SPMIP2: variants seen among roughly 807,000 people sequenced by gnomAD.
The protein encoded by SPMIP2 is protein SPMIP2.
the SPMIP2 span, among the ~76,000 whole-genome samples, chr4:159,019,547 C>G: frequency 6.6e-6 from 1 of 152,100 alleles, no homozygotes; most frequent in South Asian, 2.1e-4. Context: ...TATCTGAATT[C>G]TCTTTGCACG....
the SPMIP2 span, chr4:159,007,647 G>T: frequency 2.4e-6 from 2 of 817,748 alleles, no homozygotes; most frequent in Non-Finnish European, 4.0e-6. Context: ...TGTGGCCAAG[G>T]CCTCCAAGGA....
chr4:159,009,659 C>G, the SPMIP2 span, among the ~76,000 whole-genome samples: 1 of 152,192 alleles, frequency 6.6e-6, no homozygotes, highest in East Asian at 1.9e-4. Context: ...TATTGAGAGG[C>G]TCTCATAAGG....
the SPMIP2 span, among the ~76,000 whole-genome samples, chr4:158,914,979 G>T: frequency 6.6e-6 from 1 of 152,118 alleles, no homozygotes; most frequent in East Asian, 1.9e-4. Flanking sequence ...ACTATAAAAG[G>T]TGAATAATGC....
the SPMIP2 span, among the ~76,000 whole-genome samples, chr4:159,040,250 C>A: frequency 1.3e-5 from 2 of 150,188 alleles, no homozygotes; most frequent in Non-Finnish European, 3.0e-5. Context: ...TGGCTCACTG[C>A]AACCTCTGCC....
the SPMIP2 span, among the ~76,000 whole-genome samples, chr4:158,897,055 A>G: frequency 6.7e-6 from 1 of 149,092 alleles, no homozygotes; most frequent in Non-Finnish European, 1.5e-5. Flanking sequence ...GTGTGTTGTC[A>G]TTGTTCAACT....
At chr4:158,918,959 C>T in the SPMIP2 span, among the ~76,000 whole-genome samples, 5,745 of 152,294 alleles carry the variant, frequency 0.038, 155 homozygotes, top group Admixed American at 0.055. Context: ...TTAATTATTA[C>T]ACTAAATAGG....
chr4:159,054,736 A>C, the SPMIP2 span, among the ~76,000 whole-genome samples: 63 of 152,234 alleles, frequency 4.1e-4, no homozygotes, highest in Non-Finnish European at 8.5e-4. Context: ...CCCTTTCCAG[A>C]CCTTCTCCTG....
chr4:158,933,210 G>T, the SPMIP2 span, among the ~76,000 whole-genome samples: 1 of 152,170 alleles, frequency 6.6e-6, no homozygotes, highest in Admixed American at 6.5e-5. Context: ...CACCATGTTG[G>T]TCTTAAACTC....
At chr4:158,922,253 C>G in the SPMIP2 span, among the ~76,000 whole-genome samples, 1 of 152,162 alleles carries the variant, frequency 6.6e-6, no homozygotes, top group Admixed American at 6.5e-5. Flanking sequence ...ACTGCCACCC[C>G]CCTCTGCCTT....
the SPMIP2 span, among the ~76,000 whole-genome samples, chr4:158,946,130 T>A: frequency 6.6e-6 from 1 of 152,340 alleles, no homozygotes; most frequent in East Asian, 1.9e-4. Context: ...GTATCTTTCA[T>A]AATTTATGTG....
chr4:158,984,518 GC>G, the SPMIP2 span, among the ~76,000 whole-genome samples: 1 of 151,542 alleles, frequency 6.6e-6, no homozygotes, highest in African/African-American at 2.4e-5. Context: ...TGAACAACCT[GC>G]TCCTGAATGA....
chr4:158,912,026 T>C, the SPMIP2 span, among the ~76,000 whole-genome samples: 48 of 152,014 alleles, frequency 3.2e-4, no homozygotes, highest in Non-Finnish European at 4.6e-4. Context: ...TATTATTGTA[T>C]GAAGGAAATG....
chr4:158,948,081 C>A, the SPMIP2 span, among the ~76,000 whole-genome samples: 3 of 152,164 alleles, frequency 2.0e-5, no homozygotes, highest in Non-Finnish European at 4.4e-5. Flanking sequence ...TACTTATACT[C>A]GATAAAGCTC....
the SPMIP2 span, among the ~76,000 whole-genome samples, chr4:159,019,044 C>G: frequency 6.6e-6 from 1 of 152,054 alleles, no homozygotes; most frequent in Admixed American, 6.5e-5. Flanking sequence ...GAGCCGAGAT[C>G]GCGCCACTGG....
At chr4:159,057,908 A>G in the SPMIP2 span, among the ~76,000 whole-genome samples, 2 of 152,232 alleles carry the variant, frequency 1.3e-5, no homozygotes, top group African/African-American at 4.8e-5. Context: ...TCTGTAGCCC[A>G]GGCTGGAGTG....
chr4:158,935,131 T>C, the SPMIP2 span, among the ~76,000 whole-genome samples: 1 of 152,314 alleles, frequency 6.6e-6, no homozygotes, highest in African/African-American at 2.4e-5. Flanking sequence ...ACCAAACTTT[T>C]AAAACAATAC....
At chr4:159,028,125 T>C in the SPMIP2 span, among the ~76,000 whole-genome samples, 1 of 152,198 alleles carries the variant, frequency 6.6e-6, no homozygotes. Context: ...CAAGGCTGTG[T>C]GGCCTTCAGC....
the SPMIP2 span, among the ~76,000 whole-genome samples, chr4:159,067,473 C>T: frequency 6.6e-6 from 1 of 152,160 alleles, no homozygotes; most frequent in South Asian, 2.1e-4. Context: ...TCAGGTGATC[C>T]ACCCGCCTTG....
At chr4:158,994,107 T>G in the SPMIP2 span, among the ~76,000 whole-genome samples, 1 of 152,244 alleles carries the variant, frequency 6.6e-6, no homozygotes, top group Non-Finnish European at 1.5e-5. Flanking sequence ...TTTCACTTCT[T>G]CTTTTCTATA....
Sources: allele counts gnomAD v4.1 joint callset (sites outside exome capture counted in the v4.1 genomes callset), GRCh38; gene constraint gnomAD v4.1.1; transcripts MANE v1.5; gene names NCBI Gene and HGNC (gene_info 2026-07-23, HGNC 2026-07-21).